Variants in HHAT observed in about 807,000 individuals in gnomAD.
HHAT encodes the protein protein-cysteine N-palmitoyltransferase HHAT.
HHAT carries 47 observed loss-of-function variants against 70.8 expected under a neutral mutation model. The observed-to-expected ratio is 0.66, with a 90% CI of 0.53 to 0.85. The LOEUF (loss-of-function observed/expected upper bound fraction) is 0.85, where lower values mean the gene tolerates loss of function less well. Ranked by LOEUF, HHAT falls within the 40% of genes least tolerant of loss-of-function variation. HHAT has a pLI of 0.00. For synonymous variants in HHAT, 228 were observed against 247.6 expected, an observed-to-expected ratio of 0.92 and a Z score of 0.74; for missense variants, 609 against 604.8, an observed-to-expected ratio of 1.01 and a Z score of -0.07.
rs1468407078 is a variant in HHAT, at chr1:210,663,702, G to T, written c.1391-10586G>T. ...CTACAACAGTAGTTCCCAAAGTGTG[G>T]TTCTCAGACCAGCAGCATCCACATC... On this transcript the variant is annotated intron_variant, in intron 11 of 11. Coordinates refer to ENST00000261458, the MANE Select transcript of HHAT (RefSeq NM_018194.6). Among the ~76,000 whole-genome samples the T allele has an allele frequency of 2.0e-5, 3 of 152,180 alleles. No homozygotes were observed. The South Asian group carries it at 6.2e-4, about 32-fold the overall frequency.
intron 1 of HHAT, among the ~76,000 whole-genome samples, chr1:210,342,775 TGA>T (rs923328221): frequency 1.3e-5 from 2 of 152,194 alleles, no homozygotes; most frequent in South Asian, 2.1e-4. Flanking sequence ...GGTAATTTTG[TGA>T]GAGAGTTTTT....
intron 8 of HHAT, among the ~76,000 whole-genome samples, chr1:210,499,624 CAA>C (rs887043400): frequency 1.4e-5 from 2 of 140,700 alleles, no homozygotes; most frequent in African/African-American, 5.2e-5. Context: ...ACCTGGGTGA[CAA>C]AGAGAGACTT....
At chr1:210,624,091 G>A (rs1293902811) in intron 11 of HHAT, among the ~76,000 whole-genome samples, 3 of 152,132 alleles carry the variant, frequency 2.0e-5, no homozygotes, top group Non-Finnish European at 1.5e-5. Context: ...ATCATGAGGG[G>A]TCTGCCCGCA....
intron 7 of HHAT, among the ~76,000 whole-genome samples, chr1:210,443,081 G>T (rs1489244738): frequency 6.6e-6 from 1 of 152,158 alleles, no homozygotes; most frequent in African/African-American, 2.4e-5. Context: ...AGTTTTCCCA[G>T]CACCATTTAT....
chr1:210,511,739 C>G (rs1005799636), intron 8 of HHAT, among the ~76,000 whole-genome samples: 2 of 147,584 alleles, frequency 1.4e-5, no homozygotes, highest in African/African-American at 5.0e-5. Context: ...AGCAGTGATT[C>G]TGCCTGGGGG....
At chr1:210,386,290 G>C (rs1289024657) in intron 3 of HHAT, among the ~76,000 whole-genome samples, 21 of 127,134 alleles carry the variant, frequency 1.7e-4, no homozygotes, top group Admixed American at 1.5e-3. Context: ...CCAGGCTGGA[G>C]TGCAGTGGCG....
chr1:210,397,599 G>A (rs1435268965), intron 4 of HHAT, among the ~76,000 whole-genome samples: 2 of 151,160 alleles, frequency 1.3e-5, no homozygotes, highest in Non-Finnish European at 2.9e-5. Context: ...TGGCCTGGTT[G>A]ATGTCAGAAG....
At chr1:210,374,192 T>C (rs768019980) in intron 3 of HHAT, 18 of 152,220 alleles carry the variant, frequency 1.2e-4, no homozygotes, top group South Asian at 2.1e-4. Context: ...AATTAGCTTA[T>C]AACTGATTTG....
rs566211093 is a variant in HHAT, at chr1:210,552,841, C to A, written c.1044-35057C>A. ...GGACCTCCTCATTCTCCTTGAGAAA[C>A]CTTCCTTGGCTTTCTACCCTCACAG... On this transcript the variant is annotated intron_variant, in intron 9 of 11. Transcript: ENST00000261458. 1.2e-4 allele frequency among the ~76,000 whole-genome samples: 19 copies of A among 152,250 alleles called. No homozygotes were observed. In the South Asian group the frequency reaches 3.3e-3, roughly 27 times the overall value.
chr1:210,358,167 GT>G (rs952561249), intron 2 of HHAT, among the ~76,000 whole-genome samples: 51 of 152,296 alleles, frequency 3.3e-4, no homozygotes, highest in African/African-American at 1.0e-3. Flanking sequence ...GGTGCTCCAT[GT>G]CAGACCCCTG....
intron 11 of HHAT, among the ~76,000 whole-genome samples, chr1:210,661,546 A>G (rs939317275): frequency 6.6e-6 from 1 of 152,240 alleles, no homozygotes; most frequent in African/African-American, 2.4e-5. Flanking sequence ...CCATCCCATT[A>G]CTGGGTATAT....
At chr1:210,572,680 G>A (rs946199564) in intron 9 of HHAT, among the ~76,000 whole-genome samples, 2 of 152,080 alleles carry the variant, frequency 1.3e-5, no homozygotes, top group African/African-American at 4.8e-5. Flanking sequence ...GATTGCTTGA[G>A]GCCAGGAGTT....
intron 8 of HHAT, among the ~76,000 whole-genome samples, chr1:210,482,792 T>G (rs951818444): frequency 6.6e-6 from 1 of 152,236 alleles, no homozygotes; most frequent in African/African-American, 2.4e-5. Flanking sequence ...TATTAGCATT[T>G]CAGGTTGATA....
intron 7 of HHAT, among the ~76,000 whole-genome samples, chr1:210,443,189 GTTCCA>G (rs1258388987): frequency 6.0e-5 from 9 of 150,882 alleles, no homozygotes; most frequent in Non-Finnish European, 1.5e-5. Flanking sequence ...GCTCTGTTCT[GTTCCA>G]TTGATCTATA....
Position 210,343,554 on chromosome 1 carries a change from T to C in HHAT, c.-43-5379T>C, listed in dbSNP as rs548265862. Among the ~76,000 whole-genome samples, 6 of 152,244 alleles carry C rather than the reference T, an allele frequency of 3.9e-5. No homozygotes were observed. The South Asian group carries it at 1.0e-3, about 26-fold the overall frequency. On this transcript the variant is annotated intron_variant, in intron 1 of 11. Transcript: ENST00000261458. ...TGAGTGTCTGTGTGGTGGTGGTGTT[T>C]CGAGGTGGCATTCGTGTAATGGAGA...
At position 210,563,413 on chromosome 1, in the gene HHAT, G is replaced by A. The variant is rs562099403; in HGVS notation, c.1044-24485G>A. On this transcript the variant is annotated intron_variant, in intron 9 of 11. Coordinates refer to ENST00000261458, the MANE Select transcript of HHAT (RefSeq NM_018194.6). The stretch of plus-strand genomic sequence containing the variant: ...TGGCTTCCAGAAGGAGCCTAAAGGT[G>A]AAATCAGAGTAGAGTGGGGTGGAAG... Among the ~76,000 whole-genome samples the A allele has an allele frequency of 8.5e-5, 13 of 152,300 alleles. No individual in the cohort carries two copies. In the South Asian group the frequency reaches 2.1e-3, roughly 24 times the overall value.
chr1:210,357,644 A>G (rs1298383127), intron 2 of HHAT, among the ~76,000 whole-genome samples: 1 of 151,962 alleles, frequency 6.6e-6, no homozygotes, highest in Non-Finnish European at 1.5e-5. Context: ...ACATGGTGAA[A>G]CCCCGTCTCT....
intron 8 of HHAT, among the ~76,000 whole-genome samples, chr1:210,477,695 A>G (rs755944101): frequency 1.2e-4 from 18 of 152,204 alleles, no homozygotes; most frequent in Non-Finnish European, 2.4e-4. Flanking sequence ...GTTAATTAAA[A>G]TATACATCGT....
chr1:210,523,273 C>A (rs1218967351), intron 9 of HHAT, among the ~76,000 whole-genome samples: 1 of 152,114 alleles, frequency 6.6e-6, no homozygotes, highest in Non-Finnish European at 1.5e-5. Flanking sequence ...CTGTTTTTTG[C>A]CCCTACCTCA....
Sources: allele counts gnomAD v4.1 joint callset (sites outside exome capture counted in the v4.1 genomes callset), GRCh38; gene constraint gnomAD v4.1.1; transcripts MANE v1.5; gene names NCBI Gene and HGNC (gene_info 2026-07-23, HGNC 2026-07-21).